BMP7: variants seen among roughly 807,000 people sequenced by gnomAD.
BMP7 encodes bone morphogenetic protein 7.
A neutral mutation model predicts 41.2 loss-of-function variants in BMP7; 12 were observed. The ratio of observed to expected loss-of-function variants is 0.29; its 90% CI spans 0.19 to 0.47. BMP7 has a LOEUF of 0.47. Ranked by LOEUF, BMP7 falls within the 20% of genes least tolerant of loss-of-function variation. The pLI is 0.99. For missense variants in BMP7, 467 were observed against 606.0 expected (o/e 0.77, Z 2.41); for synonymous variants, 248 against 250.0 (o/e 0.99, Z 0.07).
intron 1 of BMP7, among the ~76,000 whole-genome samples, chr20:57,257,040 C>G (rs892062216): frequency 9.9e-5 from 15 of 152,152 alleles, no homozygotes; most frequent in African/African-American, 3.4e-4. Flanking sequence ...ATTATCTTTC[C>G]TTCTGGCACC....
intron 2 of BMP7, among the ~76,000 whole-genome samples, chr20:57,204,497 A>G (rs1266964436): frequency 6.6e-6 from 1 of 152,246 alleles, no homozygotes; most frequent in Non-Finnish European, 1.5e-5. Flanking sequence ...AGAAGCCTAC[A>G]CAGGGAAGAA....
chr20:57,196,775 G>T (rs534246631), intron 3 of BMP7, among the ~76,000 whole-genome samples: 1 of 152,284 alleles, frequency 6.6e-6, no homozygotes, highest in African/African-American at 2.4e-5. Flanking sequence ...GAGGCTAGAG[G>T]ATCGCTTGAG....
In BMP7 at chr20:57,210,889, G is replaced by A. The variant is rs902526392; in HGVS notation, c.612-8266C>T. On this transcript the variant is annotated intron_variant, in intron 2 of 6. Transcript: ENST00000395863. Reference sequence around the variant, plus strand: ...AAAGATGAGAGAGTTTTTGTCTTGCGCATGGGCAGCTGGTGGCTGAACGAG... The same window carrying A: ...AAAGATGAGAGAGTTTTTGTCTTGCACATGGGCAGCTGGTGGCTGAACGAG... Among the ~76,000 whole-genome samples the A allele has an allele frequency of 1.2e-4, 19 of 152,198 alleles. 1 individual carries two copies. Among genetic ancestry groups the A allele is most frequent in the African/African-American group, 4.1e-4 (17 of 41,444 alleles).
At position 57,233,578 on chromosome 20, in the gene BMP7, G is replaced by C. The variant is rs536011162; in HGVS notation, c.419-5157C>G. 2.7e-3 allele frequency among the ~76,000 whole-genome samples: 406 copies of C among 152,348 alleles called. 1 individual carries two copies. The highest frequency in any genetic ancestry group is 8.7e-3 in the African/African-American group (362 of 41,570). Reference sequence around the variant, plus strand: ...CCCTTCATGATCCTCTGCCATGCCAGGGAAGACTTCTGTCCCAGATGGGAG... The same window carrying C: ...CCCTTCATGATCCTCTGCCATGCCACGGAAGACTTCTGTCCCAGATGGGAG... On this transcript the variant is annotated intron_variant, in intron 1 of 6. Transcript: ENST00000395863.
intron 1 of BMP7, among the ~76,000 whole-genome samples, chr20:57,265,471 G>A (rs984758624): frequency 6.6e-6 from 1 of 152,268 alleles, no homozygotes; most frequent in Non-Finnish European, 1.5e-5. Flanking sequence ...GGGGACTTCG[G>A]AGGATCCCTC....
At chr20:57,257,731 G>C (rs1407797018) in intron 1 of BMP7, among the ~76,000 whole-genome samples, 1 of 145,730 alleles carries the variant, frequency 6.9e-6, no homozygotes, top group Non-Finnish European at 1.5e-5. Context: ...TATGCCATGA[G>C]AATTCTGCAA....
chr20:57,192,403 T>C (rs1020248326), intron 3 of BMP7, among the ~76,000 whole-genome samples: 1 of 149,864 alleles, frequency 6.7e-6, no homozygotes, highest in African/African-American at 2.4e-5. Flanking sequence ...AGATGTAACA[T>C]GTATTTTGTT....
rs754673786 is a variant in BMP7 at position 57,170,980 on chromosome 20, G to T, written c.1275C>A (p.Val425=). ...VILKKYRNMV[V]RACGCH Reference sequence around the variant, plus strand: ...GGAGCTAGTGGCAGCCACAGGCCCGGACCACCATGTTTCTGTATTTCTTCA... The same window carrying T: ...GGAGCTAGTGGCAGCCACAGGCCCGTACCACCATGTTTCTGTATTTCTTCA... The change falls in exon 7 of 7, where the codon GTC becomes GTA. Residue 425 remains valine, a synonymous_variant. Transcript: ENST00000395863. 6.2e-7 allele frequency: 1 copy of T among 1,613,848 alleles called. No homozygotes were observed. The highest frequency in any genetic ancestry group is 1.1e-5 in the South Asian group (1 of 91,020).
chr20:57,220,422 G>T (rs759668395), intron 2 of BMP7, among the ~76,000 whole-genome samples: 44 of 152,112 alleles, frequency 2.9e-4, no homozygotes, highest in Non-Finnish European at 5.4e-4. Context: ...TTTGTCTCCT[G>T]CCAAAAAAGC....
chr20:57,217,591 C>T (rs561254443), intron 2 of BMP7, among the ~76,000 whole-genome samples: 5 of 152,238 alleles, frequency 3.3e-5, no homozygotes, highest in South Asian at 2.1e-4. Context: ...CTGAGATAGA[C>T]GGAGCGATAG....
rs1984643275 is a variant in BMP7, at chr20:57,202,467, G to A, written c.760+8C>T. 1 of 1,602,602 alleles carries A rather than the reference G, an allele frequency of 6.2e-7. No homozygotes were observed. The highest frequency in any genetic ancestry group is 8.5e-7 in the Non-Finnish European group (1 of 1,179,428). ...TGCATTAGGACTGGCAGTGGCCGGG[G>A]GACTCACCATCCAGCGTCTCCACCG... On this transcript the variant is annotated splice_region_variant and intron_variant, in intron 3 of 6. Transcript: ENST00000395863.
At position 57,171,818 on chromosome 20, in the gene BMP7, G is replaced by C. The variant is rs1307346705; in HGVS notation, c.1147-710C>G. 6.6e-6 allele frequency among the ~76,000 whole-genome samples: 1 copy of C among 152,142 alleles called. No homozygotes were observed. Among genetic ancestry groups the C allele is most frequent in the Non-Finnish European group, 1.5e-5 (1 of 68,024 alleles). On this transcript the variant is annotated intron_variant, in intron 6 of 6. Transcript: ENST00000395863. This position sits in a 1 kb window ranked among gnomAD's most constrained non-coding sequence, Gnocchi z 4.5. ...CCTCCAGGCTGTGACTGCTGACATA[G>C]GCCAGCATGCTTTTTACACATTTTA...
chr20:57,258,132 T>C (rs2066140989), intron 1 of BMP7, among the ~76,000 whole-genome samples: 1 of 152,204 alleles, frequency 6.6e-6, no homozygotes. Context: ...GAGATAAAGA[T>C]GTGATAGAAC....
At chr20:57,255,894 A>T (rs2066132638) in intron 1 of BMP7, among the ~76,000 whole-genome samples, 1 of 151,910 alleles carries the variant, frequency 6.6e-6, no homozygotes, top group African/African-American at 2.4e-5. Flanking sequence ...TGTGGACAAG[A>T]TTTCATGGCG....
At chr20:57,233,998 G>A (rs561187752) in intron 1 of BMP7, among the ~76,000 whole-genome samples, 39 of 152,276 alleles carry the variant, frequency 2.6e-4, no homozygotes, top group African/African-American at 8.9e-4. Flanking sequence ...TTTTGTGCTG[G>A]GCATAGCTCA....
chr20:57,190,258 G>A (rs1452310549), intron 3 of BMP7, among the ~76,000 whole-genome samples: 4 of 150,208 alleles, frequency 2.7e-5, no homozygotes, highest in African/African-American at 7.5e-5. Flanking sequence ...AACCAGAGGA[G>A]GTGAGGCTGG....
At chr20:57,189,037 G>A (rs1030610980) in intron 3 of BMP7, among the ~76,000 whole-genome samples, 4 of 152,184 alleles carry the variant, frequency 2.6e-5, no homozygotes, top group African/African-American at 9.7e-5. Flanking sequence ...CTCCCCAGAA[G>A]GGGGTGGGAC....
chr20:57,239,869 C>T (rs927713540), intron 1 of BMP7, among the ~76,000 whole-genome samples: 26 of 152,286 alleles, frequency 1.7e-4, no homozygotes, highest in East Asian at 1.9e-4. Context: ...ACACAGGCCA[C>T]CAAGTCCCTA....
chr20:57,244,981 G>C (rs2066084073), intron 1 of BMP7, among the ~76,000 whole-genome samples: 1 of 152,194 alleles, frequency 6.6e-6, no homozygotes, highest in Admixed American at 6.5e-5. Flanking sequence ...GGAGATGCAG[G>C]TGCAGTGAAG....
Sources: gnomAD v4.1 joint callset for allele counts (sites outside exome capture counted in the v4.1 genomes callset) on GRCh38, gnomAD v4.1.1 for gene constraint, Gnocchi (gnomAD v3.1) non-coding constraint, MANE v1.5 for transcripts, NCBI Gene and HGNC (gene_info 2026-07-23, HGNC 2026-07-21) for gene names.